IGF1R: variants seen among roughly 807,000 people sequenced by gnomAD.
The protein encoded by IGF1R is insulin-like growth factor 1 receptor.
A neutral mutation model predicts 144.6 loss-of-function variants in IGF1R; 44 were observed. The observed-to-expected ratio is 0.30, with a 90% CI of 0.24 to 0.39. The LOEUF (loss-of-function observed/expected upper bound fraction) is 0.39, where lower values mean the gene tolerates loss of function less well. Among genes scored for constraint, IGF1R ranks in the 10% least tolerant of loss-of-function variants. The pLI is 1.00. For missense variants in IGF1R, 1,355 were observed against 1,833.7 expected (o/e 0.74, Z 4.77); for synonymous variants, 795 against 722.8 (o/e 1.10, Z -1.60).
chr15:98,916,501 A>T (rs2015255624), intron 9 of IGF1R, 171 bp from the exon 10 acceptor site: 1 of 687,618 alleles, frequency 1.5e-6, no homozygotes, highest in Admixed American at 2.1e-5. Flanking sequence ...ACCTCAGGTG[A>T]TTTGCCCGCC....
intron 2 of IGF1R, among the ~76,000 whole-genome samples, chr15:98,817,169 G>C (rs1384893896): frequency 6.6e-6 from 1 of 152,054 alleles, no homozygotes; most frequent in African/African-American, 2.4e-5. Context: ...GGGTGTGGTG[G>C]CCCATGCTTG....
chr15:98,825,812 C>T (rs925692372), intron 2 of IGF1R, among the ~76,000 whole-genome samples: 2 of 152,208 alleles, frequency 1.3e-5, no homozygotes, highest in Non-Finnish European at 2.9e-5. Flanking sequence ...ATGTTTAATA[C>T]ACAAGCATCC....
intron 15 of IGF1R, among the ~76,000 whole-genome samples, chr15:98,931,705 A>G (rs1386022156): frequency 2.6e-3 from 1 of 390 alleles, no homozygotes; most frequent in African/African-American, 3.8e-3. Flanking sequence ...TTAAAAAAAA[A>G]AAAAAAAAAA....
intron 19 of IGF1R, among the ~76,000 whole-genome samples, chr15:98,946,297 G>A (rs955454360): frequency 1.3e-5 from 2 of 152,026 alleles, no homozygotes; most frequent in Non-Finnish European, 2.9e-5. Context: ...AGGTTTCCTC[G>A]TGGGACTTAG....
intron 1 of IGF1R, among the ~76,000 whole-genome samples, chr15:98,685,418 G>A (rs994288474): frequency 6.6e-6 from 1 of 152,182 alleles, no homozygotes; most frequent in Non-Finnish European, 1.5e-5. Flanking sequence ...CTAGAGGACA[G>A]ACTCCAACTT....
At chr15:98,794,909 T>C (rs1207439820) in intron 2 of IGF1R, among the ~76,000 whole-genome samples, 11 of 152,202 alleles carry the variant, frequency 7.2e-5, no homozygotes, top group Admixed American at 3.9e-4. Flanking sequence ...TTGTAGACTT[T>C]AGCATTTGTA....
At chr15:98,922,502 C>A in intron 11 of IGF1R, 71 bp downstream of exon 11, 1 of 1,563,156 alleles carries the variant, frequency 6.4e-7, no homozygotes, top group Non-Finnish European at 8.7e-7. Context: ...GTTTTATGGA[C>A]ACAGGGTCTG....
chr15:98,933,967 T>C (rs767542113), intron 15 of IGF1R, among the ~76,000 whole-genome samples: 89 of 152,340 alleles, frequency 5.8e-4, no homozygotes, highest in Middle Eastern at 3.4e-3. Flanking sequence ...GCAAATTTTC[T>C]AGTAGCCGTA....
chr15:98,687,297 G>A (rs2053352613), intron 1 of IGF1R, among the ~76,000 whole-genome samples: 1 of 152,182 alleles, frequency 6.6e-6, no homozygotes, highest in South Asian at 2.1e-4. Flanking sequence ...GGCGGTGAAG[G>A]GGCGAGTCTG....
intron 2 of IGF1R, among the ~76,000 whole-genome samples, chr15:98,747,355 C>T (rs1480276891): frequency 1.3e-5 from 2 of 152,128 alleles, no homozygotes; most frequent in Non-Finnish European, 2.9e-5. Flanking sequence ...CACCGCCACA[C>T]CCAGCTAATT....
intron 6 of IGF1R, 84 bp from the exon 7 acceptor site, chr15:98,911,231 A>C (rs1288761892): frequency 6.6e-7 from 1 of 1,526,218 alleles, no homozygotes; most frequent in East Asian, 2.3e-5. Context: ...AGCTTTGGGG[A>C]AGGGGGAAGC....
chr15:98,895,020 C>CAAAAAAAAA (rs368393677), intron 3 of IGF1R, among the ~76,000 whole-genome samples: 8 of 112,522 alleles, frequency 7.1e-5, no homozygotes, highest in East Asian at 2.3e-4. Context: ...GACCCTGTCT[C>CAAAAAAAAA]AAAAAAAAAA....
chr15:98,874,856 T>A (rs544563185), intron 2 of IGF1R, among the ~76,000 whole-genome samples: 2 of 152,238 alleles, frequency 1.3e-5, no homozygotes, highest in Admixed American at 1.3e-4. Flanking sequence ...CTCTGGGTGA[T>A]TGGGGGAAAC....
At chr15:98,952,600 T>C (rs535948849) in intron 20 of IGF1R, among the ~76,000 whole-genome samples, 20 of 152,122 alleles carry the variant, frequency 1.3e-4, no homozygotes, top group Non-Finnish European at 2.5e-4. Flanking sequence ...AGAGCGGTAT[T>C]GTTCTGTGCT....
intron 10 of IGF1R, among the ~76,000 whole-genome samples, chr15:98,919,411 C>T (rs9920651): frequency 0.14 from 21,454 of 152,184 alleles, 1,842 homozygotes; most frequent in Non-Finnish European, 0.2. Flanking sequence ...GCAGGAGGTT[C>T]GGGTTGTGAG....
intron 2 of IGF1R, among the ~76,000 whole-genome samples, chr15:98,853,482 A>C (rs2011628490): frequency 6.6e-6 from 1 of 152,236 alleles, no homozygotes; most frequent in Non-Finnish European, 1.5e-5. Flanking sequence ...TGTGGCATTC[A>C]GTTCAAAAAT....
At chr15:98,811,664 C>T (rs538521674) in intron 2 of IGF1R, among the ~76,000 whole-genome samples, 21 of 151,428 alleles carry the variant, frequency 1.4e-4, no homozygotes, top group African/African-American at 2.9e-4. Context: ...TGGTGGCTGA[C>T]GCCTGTAATC....
intron 2 of IGF1R, among the ~76,000 whole-genome samples, chr15:98,708,745 A>G (rs1358114941): frequency 6.6e-6 from 1 of 152,194 alleles, no homozygotes; most frequent in Non-Finnish European, 1.5e-5. Context: ...CTGTACTTGC[A>G]GGTAGCTGTG....
chr15:98,795,978 T>C (rs2056232668), intron 2 of IGF1R, among the ~76,000 whole-genome samples: 1 of 152,238 alleles, frequency 6.6e-6, no homozygotes, highest in Non-Finnish European at 1.5e-5. Context: ...ACATCAACAA[T>C]ACAGCCATCC....
Sources: allele counts gnomAD v4.1 joint callset (sites outside exome capture counted in the v4.1 genomes callset), GRCh38; gene constraint gnomAD v4.1.1; transcripts MANE v1.5; gene names NCBI Gene and HGNC (gene_info 2026-07-23, HGNC 2026-07-21).